The following MAML2 variants were observed in gnomAD, a reference collection of about 807,000 sequenced individuals.
MAML2 encodes the protein mastermind like transcriptional coactivator 2.
MAML2 carries 22 observed loss-of-function variants against 96.1 expected under a neutral mutation model. That is an observed-to-expected ratio of 0.23 (90% CI 0.16 to 0.33). The LOEUF is 0.33. MAML2 is among the 10% of genes least tolerant of loss of function. The probability of loss-of-function intolerance (pLI) is 1.00; values close to 1 mark genes in which losing one functional copy is unlikely to be tolerated. For missense variants in MAML2, 1,367 were observed against 1,392.4 expected, an observed-to-expected ratio of 0.98 and a Z score of 0.29; for synonymous variants, 561 against 521.3, an observed-to-expected ratio of 1.08 and a Z score of -1.04.
chr11:96,030,318 A>G (rs545856047), intron 2 of MAML2, among the ~76,000 whole-genome samples: 4 of 152,274 alleles, frequency 2.6e-5, no homozygotes, highest in Admixed American at 2.6e-4. Flanking sequence ...AGATGGGGGA[A>G]TTACTCTACC....
intron 1 of MAML2, among the ~76,000 whole-genome samples, chr11:96,165,358 A>G (rs1315721131): frequency 6.6e-6 from 1 of 152,194 alleles, no homozygotes; most frequent in Non-Finnish European, 1.5e-5. Context: ...ACAAGTTTTC[A>G]GGAGATATCA....
intron 1 of MAML2, among the ~76,000 whole-genome samples, chr11:96,134,040 G>C (rs943385480): frequency 6.6e-6 from 1 of 152,010 alleles, no homozygotes; most frequent in African/African-American, 2.4e-5. Flanking sequence ...AGAAAGAACA[G>C]TTTATAATTA....
chr11:95,987,181 A>AG (rs1189175991), intron 3 of MAML2, among the ~76,000 whole-genome samples: 1 of 152,110 alleles, frequency 6.6e-6, no homozygotes, highest in Admixed American at 6.6e-5. Flanking sequence ...TTAACAACAG[A>AG]GGGGGGTGTT....
intron 1 of MAML2, among the ~76,000 whole-genome samples, chr11:96,156,290 C>T (rs1005837226): frequency 7.9e-5 from 12 of 152,222 alleles, no homozygotes; most frequent in African/African-American, 2.4e-4. Context: ...CCTCCTCCTC[C>T]GCCCCTCACA....
chr11:96,188,128 T>C (rs1385195004), intron 1 of MAML2, among the ~76,000 whole-genome samples: 2 of 152,242 alleles, frequency 1.3e-5, no homozygotes, highest in East Asian at 1.9e-4. Context: ...CTCACTTGTA[T>C]GAGAACTCTT....
intron 2 of MAML2, among the ~76,000 whole-genome samples, chr11:96,033,271 A>G (rs989553050): frequency 1.3e-5 from 2 of 152,140 alleles, no homozygotes; most frequent in African/African-American, 4.8e-5. Flanking sequence ...CCCTGGGGAC[A>G]ATTATTTCTA....
At chr11:96,169,298 C>G (rs892568646) in intron 1 of MAML2, among the ~76,000 whole-genome samples, 1 of 152,226 alleles carries the variant, frequency 6.6e-6, no homozygotes, top group African/African-American at 2.4e-5. Context: ...CCTTATCCAG[C>G]ACTCAGCTGT....
At chr11:96,158,305 T>C (rs1219679103) in intron 1 of MAML2, among the ~76,000 whole-genome samples, 1 of 152,224 alleles carries the variant, frequency 6.6e-6, no homozygotes, top group Non-Finnish European at 1.5e-5. Context: ...CAGTTGTCCT[T>C]CTCTAGCTTT....
At chr11:96,279,988 A>G (rs1012117682) in intron 1 of MAML2, among the ~76,000 whole-genome samples, 8 of 152,244 alleles carry the variant, frequency 5.3e-5, no homozygotes, top group Admixed American at 4.6e-4. Context: ...CTGCTGCTTT[A>G]CCACAGGGTC....
chr11:96,274,418 T>C (rs1862959070), intron 1 of MAML2, among the ~76,000 whole-genome samples: 1 of 152,174 alleles, frequency 6.6e-6, no homozygotes, highest in Non-Finnish European at 1.5e-5. Context: ...TTTTTCTTTA[T>C]AGACATCTTT....
At chr11:96,329,914 A>G (rs1417520771) in intron 1 of MAML2, among the ~76,000 whole-genome samples, 1 of 152,240 alleles carries the variant, frequency 6.6e-6, no homozygotes, top group African/African-American at 2.4e-5. Flanking sequence ...ATACCAGCTA[A>G]CAAAGTCTTC....
At chr11:96,225,450 C>T (rs1862197733) in intron 1 of MAML2, among the ~76,000 whole-genome samples, 2 of 152,194 alleles carry the variant, frequency 1.3e-5, no homozygotes, top group South Asian at 4.1e-4. Context: ...ACCAGAACCA[C>T]CCAGCTAAGT....
chr11:96,312,233 A>AAAAAAAAAAAAC (rs1863552939), intron 1 of MAML2, among the ~76,000 whole-genome samples: 1 of 150,442 alleles, frequency 6.6e-6, no homozygotes. Context: ...AAAAAAAAAA[A>AAAAAAAAAAAAC]AAAAAAAAAA....
At chr11:96,277,917 C>CTTTTTTTT (rs55884794) in intron 1 of MAML2, among the ~76,000 whole-genome samples, 1 of 142,402 alleles carries the variant, frequency 7.0e-6, no homozygotes, top group Non-Finnish European at 1.5e-5. Context: ...TCTGTGGGAA[C>CTTTTTTTT]TTTTTTTTTT....
chr11:95,982,302 C>T (rs776395538), intron 4 of MAML2, among the ~76,000 whole-genome samples: 12 of 149,918 alleles, frequency 8.0e-5, no homozygotes, highest in East Asian at 4.0e-4. Flanking sequence ...TATATTCCTT[C>T]GAAACAGAGC....
At chr11:96,244,459 G>A (rs539318196) in intron 1 of MAML2, among the ~76,000 whole-genome samples, 90 of 150,064 alleles carry the variant, frequency 6.0e-4, no homozygotes, top group Admixed American at 1.3e-3. Context: ...ATTCTGAAGT[G>A]TATTACAATC....
chr11:96,185,237 G>A (rs4090736), intron 1 of MAML2, among the ~76,000 whole-genome samples: 46,879 of 150,646 alleles, frequency 0.31, 7,984 homozygotes, highest in Middle Eastern at 0.41. Context: ...TTGGTTACAC[G>A]CAGTTGTCAG....
Position 96,343,105 on chromosome 11 carries a change from C to T in MAML2, c.-1210G>A. 2 of 398,556 alleles carry T rather than the reference C, an allele frequency of 5.0e-6. No individual in the cohort carries two copies. Among genetic ancestry groups the T allele is most frequent in the Non-Finnish European group, 8.8e-6 (2 of 226,066 alleles). 24.7% of individuals were successfully genotyped at this position (398,556 alleles called of 1,614,324 possible). A position where few individuals can be genotyped will look rare whatever the true frequency, so the allele number is the denominator to read the frequency against. On this transcript the variant is annotated 5_prime_UTR_variant, in exon 1 of 5. Transcript: ENST00000524717. ...TTTCTCTTTCTCGTCTGTTGTTAGCCGCTTTGCTGACACTGGCTCGCGCCC... is the reference window on the plus strand; with the variant it reads ...TTTCTCTTTCTCGTCTGTTGTTAGCTGCTTTGCTGACACTGGCTCGCGCCC...
At chr11:96,327,986 C>G (rs949525138) in intron 1 of MAML2, among the ~76,000 whole-genome samples, 1 of 152,008 alleles carries the variant, frequency 6.6e-6, no homozygotes, top group African/African-American at 2.4e-5. Flanking sequence ...GTCCCAGCTA[C>G]TCGGGAGGCT....
Sources: gnomAD v4.1 joint callset for allele counts (sites outside exome capture counted in the v4.1 genomes callset) on GRCh38, gnomAD v4.1.1 for gene constraint, MANE v1.5 for transcripts, NCBI Gene and HGNC (gene_info 2026-07-23, HGNC 2026-07-21) for gene names.